CDH2: variants seen among roughly 807,000 people sequenced by gnomAD.
CDH2 encodes the protein cadherin-2.
Under a neutral mutation model 92.0 loss-of-function variants are expected in CDH2, and 17 were observed. That is an observed-to-expected ratio of 0.18 (90% CI 0.13 to 0.28). CDH2 has a LOEUF of 0.28. Among genes scored for constraint, CDH2 ranks in the 10% least tolerant of loss-of-function variants. The pLI, the probability that CDH2 is intolerant of heterozygous loss-of-function variation, is 1.00. For missense variants in CDH2, 862 were observed against 1,133.1 expected (o/e 0.76, Z 3.44); for synonymous variants, 419 against 415.9 (o/e 1.01, Z -0.09).
intron 2 of CDH2, among the ~76,000 whole-genome samples, chr18:28,095,412 C>A (rs867059424): frequency 2.6e-5 from 4 of 151,588 alleles, no homozygotes; most frequent in African/African-American, 4.9e-5. Context: ...GAGATCCCAT[C>A]TCTATAAAAT....
At chr18:27,963,869 AAT>A (rs1299999787) in intron 14 of CDH2, among the ~76,000 whole-genome samples, 1 of 152,094 alleles carries the variant, frequency 6.6e-6, no homozygotes, top group Non-Finnish European at 1.5e-5. Flanking sequence ...TCATGTCTTT[AAT>A]ATTTTTTTAA....
intron 2 of CDH2, among the ~76,000 whole-genome samples, chr18:28,036,197 C>T (rs2013822654): frequency 6.6e-6 from 1 of 152,032 alleles, no homozygotes; most frequent in Admixed American, 6.6e-5. Context: ...ACTCTCTAAG[C>T]CTACAACTCT....
rs2013110596 is a variant in CDH2 at position 28,011,872 on chromosome 18, C to T, written c.520G>A (p.Gly174Arg). 7 of 1,613,888 alleles carry T rather than the reference C, an allele frequency of 4.3e-6. No homozygotes were observed. Among genetic ancestry groups the T allele is most frequent in the Middle Eastern group, 1.6e-4 (1 of 6,062 alleles). ...PPINLPENSRGPFPQELVRIR... is the reference protein window; with the variant it reads ...PPINLPENSRRPFPQELVRIR... ...CTGACAAGCTCTTGAGGAAAAGGTC[C>T]CCTGGAGTTTTCTGGCAAGTTGATT... Residue 174 changes from glycine (G) to arginine (R), a missense_variant, in exon 4 of 16, where the codon GGA (glycine) becomes AGA (arginine). Physicochemically the swap from Gly to Arg is moderately radical, Grantham distance 125. Transcript: ENST00000269141.
At chr18:27,971,889 C>T (rs913232109) in intron 14 of CDH2, among the ~76,000 whole-genome samples, 4 of 152,156 alleles carry the variant, frequency 2.6e-5, no homozygotes, top group Non-Finnish European at 4.4e-5. Context: ...ATTTATAAAG[C>T]GATTATTTCA....
At chr18:28,128,769 G>A (rs1461140988) in intron 2 of CDH2, among the ~76,000 whole-genome samples, 2 of 151,972 alleles carry the variant, frequency 1.3e-5, no homozygotes, top group African/African-American at 4.8e-5. Flanking sequence ...ATGAATTAAG[G>A]AGCTAAGTGA....
Position 28,140,911 on chromosome 18 carries a change from C to A in CDH2, c.172+6762G>T, listed in dbSNP as rs891225425. Among the ~76,000 whole-genome samples, 10 of 130,202 alleles carry A rather than the reference C, an allele frequency of 7.7e-5. No individual in the cohort carries two copies. In the East Asian group the frequency reaches 2.1e-3, roughly 27 times the overall value. The allele number at this position is 130,202 out of a possible 152,430, so 85.4% of individuals were successfully genotyped here. On this transcript the variant is annotated intron_variant, in intron 2 of 15. Coordinates refer to ENST00000269141, the MANE Select transcript of CDH2 (RefSeq NM_001792.5). ...TCCAAACAAGATATATATATATATA[C>A]CTATATATATATATAGGTATGAAAT...
intron 6 of CDH2, among the ~76,000 whole-genome samples, chr18:27,943,526 C>T (rs11083238): frequency 0.39 from 59,764 of 152,082 alleles, 13,287 homozygotes; most frequent in Middle Eastern, 0.57. Context: ...GCTGGGGTAA[C>T]GCTATTAACT....
chr18:28,052,786 A>G (rs2014217978), intron 2 of CDH2, among the ~76,000 whole-genome samples: 1 of 152,200 alleles, frequency 6.6e-6, no homozygotes, highest in Admixed American at 6.5e-5. Flanking sequence ...ATACAGTTTA[A>G]AAATTAATCT....
At chr18:28,143,059 A>G (rs2015979952) in intron 2 of CDH2, among the ~76,000 whole-genome samples, 1 of 152,070 alleles carries the variant, frequency 6.6e-6, no homozygotes, top group African/African-American at 2.4e-5. Context: ...ACACTAATCT[A>G]AATCAAATTC....
chr18:27,941,081 G>GCCGGA (rs1909126745), intron 6 of CDH2, among the ~76,000 whole-genome samples: 1 of 149,094 alleles, frequency 6.7e-6, no homozygotes, highest in Non-Finnish European at 1.5e-5. Flanking sequence ...TGTCGCCCAG[G>GCCGGA]CTGGAGTGCA....
intron 2 of CDH2, among the ~76,000 whole-genome samples, chr18:28,037,493 C>T (rs993657284): frequency 6.6e-6 from 1 of 152,118 alleles, no homozygotes; most frequent in Non-Finnish European, 1.5e-5. Context: ...TTGTGGGAAG[C>T]AGCGAGAAAA....
At position 27,990,181 on chromosome 18, in the gene CDH2, C is replaced by A. The variant is rs143201939; in HGVS notation, c.1514G>T (p.Arg505Leu). ...ACCGGCATGAAGCCCTTCTTCTTGGCGAATGATCTTAGGATTGGGGGCAAA... is the reference window on the plus strand; with the variant it reads ...ACCGGCATGAAGCCCTTCTTCTTGGAGAATGATCTTAGGATTGGGGGCAAA... ...PYFAPNPKII[R>L]QEEGLHAGTM... The change falls in exon 10 of 16, where the codon CGC becomes CTC. Residue 505 changes from arginine to leucine, a missense_variant. Physicochemically the swap from Arg to Leu is moderately radical, Grantham distance 102. Around this residue, in one of 5 missense-constraint regions of CDH2, gnomAD observed 564 missense variants for 722.2 expected, o/e 0.78. Coordinates refer to ENST00000269141, the MANE Select transcript of CDH2 (RefSeq NM_001792.5). 1 of 1,613,998 alleles carries A rather than the reference C, an allele frequency of 6.2e-7. No homozygotes were observed. Among genetic ancestry groups the A allele is most frequent in the Non-Finnish European group, 8.5e-7 (1 of 1,179,942 alleles).
chr18:28,087,870 A>G (rs939016592), intron 2 of CDH2, among the ~76,000 whole-genome samples: 1 of 152,192 alleles, frequency 6.6e-6, no homozygotes, highest in South Asian at 2.1e-4. Flanking sequence ...CCCTGGGACC[A>G]AGAAATTATA....
chr18:28,152,364 A>G (rs979242019), intron 1 of CDH2, among the ~76,000 whole-genome samples: 4 of 152,180 alleles, frequency 2.6e-5, no homozygotes, highest in Non-Finnish European at 4.4e-5. Context: ...AGAAACAGAA[A>G]ACAAGATACA....
chr18:27,944,550 T>C (rs942224821), intron 6 of CDH2, among the ~76,000 whole-genome samples: 1 of 152,042 alleles, frequency 6.6e-6, no homozygotes, highest in Non-Finnish European at 1.5e-5. Flanking sequence ...ATCATGTTTC[T>C]GATTCACAAA....
At chr18:28,154,658 G>T (rs2016181270) in intron 1 of CDH2, among the ~76,000 whole-genome samples, 1 of 152,054 alleles carries the variant, frequency 6.6e-6, no homozygotes, top group Admixed American at 6.6e-5. Context: ...ACTCTTTTCG[G>T]TTCCCGTTCT....
intron 2 of CDH2, among the ~76,000 whole-genome samples, chr18:28,094,378 C>G (rs771867195): frequency 2.6e-5 from 4 of 151,984 alleles, no homozygotes; most frequent in Admixed American, 6.6e-5. Flanking sequence ...GTCCCAGCTA[C>G]TACAGAGGCT....
chr18:27,964,088 C>CAAAG (rs1449821805), intron 14 of CDH2, among the ~76,000 whole-genome samples: 10 of 152,086 alleles, frequency 6.6e-5, no homozygotes, highest in African/African-American at 1.9e-4. Flanking sequence ...ATACAAACGA[C>CAAAG]AAAGAAAAAT....
At chr18:28,091,035 T>G (rs1241423274) in intron 2 of CDH2, among the ~76,000 whole-genome samples, 2 of 152,228 alleles carry the variant, frequency 1.3e-5, no homozygotes, top group Non-Finnish European at 2.9e-5. Flanking sequence ...GATTTTGCAT[T>G]TAATTGCATA....
Sources: allele counts gnomAD v4.1 joint callset (sites outside exome capture counted in the v4.1 genomes callset), GRCh38; gene constraint gnomAD v4.1.1; regional missense constraint gnomAD v4.1.1; transcripts MANE v1.5; gene names NCBI Gene and HGNC (gene_info 2026-07-23, HGNC 2026-07-21).